The following SLC25A48 variants were observed in gnomAD, a reference collection of about 807,000 sequenced individuals.
The protein encoded by SLC25A48 is solute carrier family 25 member 48.
In SLC25A48, 29 loss-of-function variants were observed where a neutral mutation model predicts 32.2. The ratio of observed to expected loss-of-function variants is 0.90; its 90% CI spans 0.67 to 1.23. The LOEUF (loss-of-function observed/expected upper bound fraction) is 1.23. Among genes scored for constraint, SLC25A48 ranks in the 50% most tolerant of loss-of-function variants. The pLI, the probability that SLC25A48 is intolerant of heterozygous loss-of-function variation, is 0.00. For missense variants in SLC25A48, 399 were observed against 422.7 expected (o/e 0.94, Z 0.49); for synonymous variants, 164 against 172.3 (o/e 0.95, Z 0.38).
intron 1 of SLC25A48, among the ~76,000 whole-genome samples, chr5:135,610,997 C>A (rs909972963): frequency 1.3e-5 from 2 of 152,104 alleles, no homozygotes; most frequent in African/African-American, 2.4e-5. Flanking sequence ...TTTCAAAAAA[C>A]ATAGTGTTGA....
chr5:135,651,354 G>A (rs759610646), intron 3 of SLC25A48, among the ~76,000 whole-genome samples: 1 of 152,186 alleles, frequency 6.6e-6, no homozygotes, highest in Non-Finnish European at 1.5e-5. Context: ...ACTCATCCTT[G>A]TGAGTGGTTT....
intron 1 of SLC25A48, among the ~76,000 whole-genome samples, chr5:135,841,964 G>A (rs1759036944): frequency 6.6e-6 from 1 of 152,124 alleles, no homozygotes; most frequent in African/African-American, 2.4e-5. Flanking sequence ...CTATATTTTG[G>A]TATGGCATGT....
intron 3 of SLC25A48, among the ~76,000 whole-genome samples, chr5:135,794,210 C>T (rs1196194781): frequency 1.3e-5 from 2 of 151,586 alleles, no homozygotes; most frequent in South Asian, 4.2e-4. Flanking sequence ...GTGGTGTACA[C>T]CCCTTCTGTG....
chr5:135,747,553 G>A (rs1362009963), intron 3 of SLC25A48, among the ~76,000 whole-genome samples: 1 of 152,002 alleles, frequency 6.6e-6, no homozygotes, highest in East Asian at 1.9e-4. Flanking sequence ...TTTCTTCGGG[G>A]AGCCTTGGTT....
Position 135,852,683 on chromosome 5 carries a change from C to T in SLC25A48, c.283C>T (p.Pro95Ser), listed in dbSNP as rs1192589375. The part of the protein sequence containing the change: ...RFLSQHRCGE[P>S]EASPPRTLSD... ...CCTCAGCCAGCACCGCTGCGGGGAG[C>T]CAGAGGCCAGTCCTCCCCGCACGCT... The change falls in exon 4 of 8, where the codon CCA becomes TCA. Residue 95 changes from proline (P) to serine (S), a missense_variant. Pro to Ser is a moderately conservative substitution (Grantham distance 74). Coordinates refer to ENST00000681962, the MANE Select transcript of SLC25A48 (RefSeq NM_001349336.2). 6.2e-7 allele frequency: 1 copy of T among 1,614,028 alleles called. No homozygotes were observed. The highest frequency in any genetic ancestry group is 1.7e-5 in the Admixed American group (1 of 60,024).
chr5:135,822,271 T>C (rs1757911048), intron 4 of SLC25A48: 1 of 152,276 alleles, frequency 6.6e-6, no homozygotes, highest in African/African-American at 2.4e-5. Context: ...TCCCCACAAA[T>C]GAGCCATCCA....
intron 4 of SLC25A48, among the ~76,000 whole-genome samples, chr5:135,822,370 C>T (rs1036414985): frequency 6.6e-6 from 1 of 152,210 alleles, no homozygotes; most frequent in Non-Finnish European, 1.5e-5. Context: ...TATTCTTTCA[C>T]AGTTCTGAAG....
At chr5:135,802,952 TAGAA>T (rs1165914297) in intron 3 of SLC25A48, 1 of 151,510 alleles carries the variant, frequency 6.6e-6, no homozygotes, top group Non-Finnish European at 1.5e-5. Context: ...CATAATATCC[TAGAA>T]AGATATTACT....
At chr5:135,856,338 C>G (rs1235887170) in intron 4 of SLC25A48, among the ~76,000 whole-genome samples, 2 of 152,188 alleles carry the variant, frequency 1.3e-5, no homozygotes, top group Non-Finnish European at 2.9e-5. Flanking sequence ...GTGGAGAAGA[C>G]TCCTCTCCCT....
At chr5:135,809,943 T>C (rs1211029275) in intron 3 of SLC25A48, among the ~76,000 whole-genome samples, 1 of 152,180 alleles carries the variant, frequency 6.6e-6, no homozygotes, top group Non-Finnish European at 1.5e-5. Flanking sequence ...ACTCAAGCGA[T>C]CCTCCTGCCT....
chr5:135,767,972 T>A (rs1756289905), intron 3 of SLC25A48, among the ~76,000 whole-genome samples: 1 of 144,694 alleles, frequency 6.9e-6, no homozygotes, highest in Admixed American at 6.8e-5. Flanking sequence ...GGGGAGAGGA[T>A]AATATTACTC....
chr5:135,635,257 C>T (rs1318226067), intron 3 of SLC25A48, among the ~76,000 whole-genome samples: 1 of 152,228 alleles, frequency 6.6e-6, no homozygotes, highest in Non-Finnish European at 1.5e-5. Flanking sequence ...GAAATCATCT[C>T]AAGACATCTG....
rs767366702 is a variant in SLC25A48 at position 135,880,020 on chromosome 5, C to T, written c.866C>T (p.Ala289Val). ...VNAVRGFPMS[A>V]AMFLGYELSL... ...GCGGTGCGGGGCTTCCCCATGAGTG[C>T]GGCCATGTTCCTTGGGTACGAGCTG... Residue 289 changes from alanine to valine, a missense_variant, in exon 7 of 8, where the codon GCG becomes GTG. By Grantham distance (64) the Ala-to-Val change is moderately conservative. Coordinates refer to ENST00000681962, the MANE Select transcript of SLC25A48 (RefSeq NM_001349336.2). 9.1e-6 allele frequency: 14 copies of T among 1,536,308 alleles called. No individual in the cohort carries two copies. Among genetic ancestry groups the T allele is most frequent in the Non-Finnish European group, 1.1e-5 (13 of 1,146,958 alleles).
intron 3 of SLC25A48, among the ~76,000 whole-genome samples, chr5:135,702,256 C>T (rs1283418908): frequency 6.6e-6 from 1 of 152,240 alleles, no homozygotes. Flanking sequence ...TGGGTCTTTG[C>T]AGGTGTAACC....
chr5:135,766,834 GC>G (rs1756245630), intron 3 of SLC25A48, among the ~76,000 whole-genome samples: 1 of 151,732 alleles, frequency 6.6e-6, no homozygotes, highest in Admixed American at 6.6e-5. Flanking sequence ...ACACCATCTT[GC>G]GATATATTTT....
At chr5:135,645,983 G>T (rs1323138839) in intron 3 of SLC25A48, among the ~76,000 whole-genome samples, 1 of 152,138 alleles carries the variant, frequency 6.6e-6, no homozygotes, top group Non-Finnish European at 1.5e-5. Flanking sequence ...ATGGCCACAG[G>T]AATTCATTCT....
At chr5:135,862,433 G>A (rs982275466) in intron 4 of SLC25A48, among the ~76,000 whole-genome samples, 2 of 152,228 alleles carry the variant, frequency 1.3e-5, no homozygotes, top group African/African-American at 4.8e-5. Flanking sequence ...GGAGATGAGT[G>A]TTTACACCTG....
At chr5:135,830,316 T>A (rs1758170451), upstream of SLC25A48, among the ~76,000 whole-genome samples, 1 of 152,204 alleles carries the variant, frequency 6.6e-6, no homozygotes, top group South Asian at 2.1e-4. Flanking sequence ...CCGCAGCTGA[T>A]ATCCCCGTGG....
chr5:135,590,842 C>T (rs17168700), intron 1 of SLC25A48, among the ~76,000 whole-genome samples: 49,411 of 152,214 alleles, frequency 0.32, 8,797 homozygotes, highest in African/African-American at 0.46. Flanking sequence ...GCAGGCCTAC[C>T]GTGTGCTTTA....
Sources: gnomAD v4.1 joint callset for allele counts (sites outside exome capture counted in the v4.1 genomes callset) on GRCh38, gnomAD v4.1.1 for gene constraint, MANE v1.5 for transcripts, NCBI Gene and HGNC (gene_info 2026-07-23, HGNC 2026-07-21) for gene names.